The following NKAIN2 variants were observed in gnomAD, a reference collection of about 807,000 sequenced individuals.
NKAIN2 encodes the protein sodium/potassium-transporting ATPase subunit beta-1-interacting protein 2.
In NKAIN2, 14 loss-of-function variants were observed where a neutral mutation model predicts 32.6. The observed-to-expected ratio is 0.43, with a 90% CI of 0.28 to 0.67. NKAIN2 has a LOEUF of 0.67. NKAIN2 is among the 30% of genes least tolerant of loss of function. The pLI is 0.17. For synonymous variants in NKAIN2, 80 were observed against 87.2 expected (o/e 0.92, Z 0.46); for missense variants, 198 against 258.3 (o/e 0.77, Z 1.60).
chr6:124,500,987 G>A (rs1047671534), intron 3 of NKAIN2, among the ~76,000 whole-genome samples: 1 of 152,166 alleles, frequency 6.6e-6, no homozygotes, highest in Non-Finnish European at 1.5e-5. Context: ...TAGAAAAGAT[G>A]CTAAATAACA....
chr6:124,092,351 A>G (rs370806348), intron 1 of NKAIN2, among the ~76,000 whole-genome samples: 13 of 152,088 alleles, frequency 8.5e-5, no homozygotes, highest in East Asian at 3.9e-4. Flanking sequence ...ATCTAATGAG[A>G]ACCAGCAGAG....
chr6:124,630,569 C>T (rs950394481), intron 3 of NKAIN2, among the ~76,000 whole-genome samples: 1 of 152,078 alleles, frequency 6.6e-6, no homozygotes, highest in African/African-American at 2.4e-5. Context: ...TCTTAGTTTG[C>T]ACTGTAAAAT....
intron 3 of NKAIN2, among the ~76,000 whole-genome samples, chr6:124,465,830 T>C (rs1776731841): frequency 6.6e-6 from 1 of 152,070 alleles, no homozygotes; most frequent in East Asian, 1.9e-4. Flanking sequence ...ATTGCATCAA[T>C]AGTTAGAAAG....
intron 4 of NKAIN2, among the ~76,000 whole-genome samples, chr6:124,693,689 G>T (rs561940394): frequency 1.3e-5 from 2 of 152,242 alleles, no homozygotes; most frequent in African/African-American, 4.8e-5. Flanking sequence ...GAAGGGAAAG[G>T]GCAGGCATTT....
chr6:124,734,927 G>C (rs1437328038), intron 4 of NKAIN2, among the ~76,000 whole-genome samples: 1 of 151,806 alleles, frequency 6.6e-6, no homozygotes, highest in Non-Finnish European at 1.5e-5. Context: ...TTCACATGGT[G>C]TATTTAAAAT....
chr6:124,364,754 A>AG (rs1381369335), intron 3 of NKAIN2, among the ~76,000 whole-genome samples: 2 of 151,998 alleles, frequency 1.3e-5, no homozygotes, highest in Non-Finnish European at 2.9e-5. Context: ...AGGCAGAGTG[A>AG]GAAAAAAAAC....
chr6:124,397,646 A>T (rs557853875), intron 3 of NKAIN2, among the ~76,000 whole-genome samples: 18,280 of 144,568 alleles, frequency 0.13, 1,538 homozygotes, highest in African/African-American at 0.29. Flanking sequence ...AAAGAATTTA[A>T]AAAAAAACTG....
chr6:124,113,047 T>C lies in NKAIN2; in HGVS notation c.55-169958T>C, dbSNP rs149609116. ...ATTTCTGGAAGTTTATCTTGTTCCT[T>C]TTTTTGGAGCATCTTAGTCGGATTC... On this transcript the variant is annotated intron_variant, in intron 1 of 6. Coordinates refer to ENST00000368417, the MANE Select transcript of NKAIN2 (RefSeq NM_001040214.3). Among the ~76,000 whole-genome samples, 249 of 152,242 alleles carry C rather than the reference T, an allele frequency of 1.6e-3. 1 individual carries two copies. The highest frequency in any genetic ancestry group is 5.8e-3 in the African/African-American group (240 of 41,550).
At chr6:124,126,624 T>C (rs75121950) in intron 1 of NKAIN2, among the ~76,000 whole-genome samples, 5,198 of 152,262 alleles carry the variant, frequency 0.034, 162 homozygotes, top group East Asian at 0.1. Context: ...CAATCCTTCA[T>C]TACAGAGAGA....
chr6:123,966,402 A>G (rs577049715), intron 1 of NKAIN2, among the ~76,000 whole-genome samples: 2 of 152,258 alleles, frequency 1.3e-5, no homozygotes, highest in Admixed American at 6.5e-5. Context: ...ATAAGAGCCA[A>G]TTGCCAATTA....
chr6:124,792,380 G>A (rs576129183), intron 5 of NKAIN2, among the ~76,000 whole-genome samples: 10 of 152,006 alleles, frequency 6.6e-5, no homozygotes, highest in Non-Finnish European at 1.2e-4. Flanking sequence ...CTTTTCAATC[G>A]TACTCATACA....
Position 123,926,497 on chromosome 6 carries a change from A to ACTGCAGTGTTCCCCAGATGCCCG in NKAIN2, c.54+122277_54+122299dup, listed in dbSNP as rs1195803045. Among the ~76,000 whole-genome samples, 632 of 148,158 alleles carry ACTGCAGTGTTCCCCAGATGCCCG rather than the reference A, an allele frequency of 4.3e-3. 9 individuals are homozygous for ACTGCAGTGTTCCCCAGATGCCCG. The highest frequency in any genetic ancestry group is 0.015 in the African/African-American group (596 of 39,912). On this transcript the variant is annotated intron_variant, in intron 1 of 6. Transcript: ENST00000368417. ...CTGCTGCAGTGTTCCCCAGATTCCT[A>ACTGCAGTGTTCCCCAGATGCCCG]CTGCAGTGTTCCCCAGATGCCCGCT...
At chr6:124,382,162 C>A (rs1016855732) in intron 3 of NKAIN2, among the ~76,000 whole-genome samples, 5 of 151,912 alleles carry the variant, frequency 3.3e-5, no homozygotes, top group African/African-American at 1.2e-4. Flanking sequence ...AGATGTTTTA[C>A]TGTAATCCTA....
At chr6:124,123,581 AGAGATTTG>A (rs1424598658) in intron 1 of NKAIN2, among the ~76,000 whole-genome samples, 1 of 152,122 alleles carries the variant, frequency 6.6e-6, no homozygotes, top group Non-Finnish European at 1.5e-5. Context: ...CTGTCATTTC[AGAGATTTG>A]TATCAGTCAT....
intron 3 of NKAIN2, among the ~76,000 whole-genome samples, chr6:124,509,224 G>C (rs1194056554): frequency 6.6e-6 from 1 of 152,110 alleles, no homozygotes; most frequent in Non-Finnish European, 1.5e-5. Flanking sequence ...TCAGCTTTGA[G>C]ACAATTTTAT....
chr6:123,861,034 A>G (rs1007562125), intron 1 of NKAIN2, among the ~76,000 whole-genome samples: 3 of 152,158 alleles, frequency 2.0e-5, no homozygotes, highest in Non-Finnish European at 4.4e-5. Flanking sequence ...AGGATTAGAG[A>G]CACTAGGTGG....
At chr6:124,430,880 A>G (rs574553550) in intron 3 of NKAIN2, among the ~76,000 whole-genome samples, 4 of 152,250 alleles carry the variant, frequency 2.6e-5, no homozygotes, top group African/African-American at 9.6e-5. Context: ...GCGCGCGCAC[A>G]TACACACATG....
chr6:124,251,307 A>T (rs947748461), intron 1 of NKAIN2, among the ~76,000 whole-genome samples: 8 of 152,060 alleles, frequency 5.3e-5, no homozygotes, highest in African/African-American at 1.9e-4. Flanking sequence ...GGAAAAATAC[A>T]TACCATGTAA....
intron 3 of NKAIN2, among the ~76,000 whole-genome samples, chr6:124,466,563 C>T (rs1776764545): frequency 6.6e-6 from 1 of 151,920 alleles, no homozygotes; most frequent in Non-Finnish European, 1.5e-5. Context: ...TGAAAGAAGG[C>T]AGCAGCCCTT....
Sources: gnomAD v4.1 joint callset for allele counts (sites outside exome capture counted in the v4.1 genomes callset) on GRCh38, gnomAD v4.1.1 for gene constraint, MANE v1.5 for transcripts, NCBI Gene and HGNC (gene_info 2026-07-23, HGNC 2026-07-21) for gene names.